SLCO1B1: variants seen among roughly 807,000 people sequenced by gnomAD.
The protein encoded by SLCO1B1 is OATP-2.
Under a neutral mutation model 70.1 loss-of-function variants are expected in SLCO1B1, and 81 were observed. That is an observed-to-expected ratio of 1.16 (90% CI 0.97 to 1.39). SLCO1B1 has a LOEUF of 1.39. Among genes scored for constraint, SLCO1B1 ranks in the 40% most tolerant of loss-of-function variants. The pLI is 0.00. For missense variants in SLCO1B1, 895 were observed against 799.6 expected (o/e 1.12, Z -1.44); for synonymous variants, 283 against 271.5 (o/e 1.04, Z -0.42).
At chr12:21,203,143 A>G (rs1243442317) in intron 10 of SLCO1B1, among the ~76,000 whole-genome samples, 4 of 152,138 alleles carry the variant, frequency 2.6e-5, no homozygotes, top group South Asian at 2.1e-4. Context: ...ACTTTTATCT[A>G]CAGTTCATAT....
At chr12:21,152,533 C>CTTTGTTTTTTTTTTTT (rs1940485182) in intron 2 of SLCO1B1, among the ~76,000 whole-genome samples, 1 of 34,354 alleles carries the variant, frequency 2.9e-5, no homozygotes, top group Non-Finnish European at 5.2e-5. Flanking sequence ...AGAGGAGAGG[C>CTTTGTTTTTTTTTTTT]TTTTTTTTTT....
chr12:21,221,119 A>T (rs1350200282), intron 12 of SLCO1B1, among the ~76,000 whole-genome samples: 7 of 152,190 alleles, frequency 4.6e-5, no homozygotes. Flanking sequence ...AACATCTTTC[A>T]TGACAAAAAT....
Position 21,209,903 on chromosome 12 carries a change from GT to G in SLCO1B1, c.1497+3876del, listed in dbSNP as rs1328758315. On this transcript the variant is annotated intron_variant, in intron 11 of 14. Transcript: ENST00000256958. ...TGTCCTTCGCCCACTTTTTGATGGG[GT>G]TTTTTGTTTTTTTCTTGTAAATCTG... Among the ~76,000 whole-genome samples, 9 of 152,180 alleles carry G rather than the reference GT, an allele frequency of 5.9e-5. No homozygotes were observed. In the East Asian group the frequency reaches 1.5e-3, roughly 26 times the overall value.
chr12:21,201,034 CAGTT>C (rs1329442060), intron 9 of SLCO1B1, among the ~76,000 whole-genome samples: 4 of 152,124 alleles, frequency 2.6e-5, no homozygotes, highest in South Asian at 2.1e-4. Flanking sequence ...AATCAAGACT[CAGTT>C]ACTTACAAAA....
intron 2 of SLCO1B1, among the ~76,000 whole-genome samples, chr12:21,153,937 T>C (rs1940506389): frequency 6.6e-6 from 1 of 152,026 alleles, no homozygotes; most frequent in African/African-American, 2.4e-5. Context: ...TTTAGGAATA[T>C]CTCTTATAAA....
In SLCO1B1 at chr12:21,137,560, G is replaced by A. The variant is rs186630635; in HGVS notation, c.-61-3954G>A. On this transcript the variant is annotated intron_variant, in intron 1 of 14. Transcript: ENST00000256958. The stretch of plus-strand genomic sequence containing the variant: ...TGGTGGCCGCCCCTCCCCCAGCCTC[G>A]CTGCCACCTTGCAGTTTGATCTTGG... Among the ~76,000 whole-genome samples, 483 of 152,208 alleles carry A rather than the reference G, an allele frequency of 3.2e-3. 3 individuals carry two copies. The highest frequency in any genetic ancestry group is 0.011 in the African/African-American group (465 of 41,524).
chr12:21,209,846 A>G (rs570007250), intron 11 of SLCO1B1, among the ~76,000 whole-genome samples: 8 of 152,134 alleles, frequency 5.3e-5, no homozygotes, highest in African/African-American at 1.9e-4. Flanking sequence ...TTTTGGCTGC[A>G]TAAGTGTCTT....
intron 2 of SLCO1B1, among the ~76,000 whole-genome samples, chr12:21,171,966 C>A (rs771465808): frequency 7.2e-5 from 11 of 152,188 alleles, no homozygotes; most frequent in Non-Finnish European, 1.5e-4. Flanking sequence ...CACCAAACAT[C>A]AACACACTGG....
In SLCO1B1 at chr12:21,205,906, C is replaced by G; in HGVS notation, c.1370C>G (p.Ser457Cys). The stretch of plus-strand genomic sequence containing the variant: ...ACATCTCATAGAGATGTACCACTTT[C>G]TTATTGCAACTCAGACTGCAATTGT... ...PVTSHRDVPLSYCNSDCNCDE... is the reference protein window; with the variant it reads ...PVTSHRDVPLCYCNSDCNCDE... Residue 457 changes from serine (S) to cysteine (C), a missense_variant, in exon 11 of 15, where the codon TCT becomes TGT. Physicochemically the swap from Ser to Cys is moderately radical, Grantham distance 112 (BLOSUM62 -1). Coordinates refer to ENST00000256958, the MANE Select transcript of SLCO1B1 (RefSeq NM_006446.5). The G allele has an allele frequency of 6.2e-7, 1 of 1,610,658 alleles. No homozygotes were observed. Among genetic ancestry groups the G allele is most frequent in the South Asian group, 1.1e-5 (1 of 90,970 alleles).
At chr12:21,142,439 A>G (rs1179237485) in intron 2 of SLCO1B1, among the ~76,000 whole-genome samples, 1 of 151,990 alleles carries the variant, frequency 6.6e-6, no homozygotes, top group Non-Finnish European at 1.5e-5. Context: ...AAATCCCCAT[A>G]TGGAAGTCTT....
At chr12:21,222,688 G>T (rs1941442987) in intron 13 of SLCO1B1, among the ~76,000 whole-genome samples, 1 of 151,686 alleles carries the variant, frequency 6.6e-6, no homozygotes, top group Non-Finnish European at 1.5e-5. Context: ...AAAGATAGAT[G>T]GTCCTCCAAA....
intron 3 of SLCO1B1, 83 bp from the exon 4 acceptor site, chr12:21,174,494 C>A: frequency 7.4e-7 from 1 of 1,359,762 alleles, no homozygotes; most frequent in Non-Finnish European, 1.0e-6. Context: ...GTCTTGGACT[C>A]TATTTGCATC....
chr12:21,204,270 CT>C (rs1019094060), intron 10 of SLCO1B1, among the ~76,000 whole-genome samples: 49 of 151,664 alleles, frequency 3.2e-4, no homozygotes, highest in African/African-American at 1.2e-3. Context: ...CATTATTTGC[CT>C]TTTTATTCTC....
rs893786812 is a variant in SLCO1B1 at position 21,202,788 on chromosome 12, CT to C, written c.1331+105del. On this transcript the variant is annotated intron_variant, in intron 10 of 14. Coordinates refer to ENST00000256958, the MANE Select transcript of SLCO1B1 (RefSeq NM_006446.5). The stretch of plus-strand genomic sequence containing the variant: ...CAGAAAACAATTTTAACTAAACTTT[CT>C]TTAAGTTAAGAGAAATTTCAATTTT... 1.1e-4 allele frequency: 107 copies of C among 946,466 alleles called. 1 individual carries two copies. The highest frequency in any genetic ancestry group is 3.3e-4 in the Middle Eastern group (1 of 3,036). 58.6% of individuals were successfully genotyped at this position (946,466 alleles called of 1,614,324 possible).
intron 7 of SLCO1B1, among the ~76,000 whole-genome samples, chr12:21,186,879 A>C (rs1940968889): frequency 6.6e-6 from 1 of 152,112 alleles, no homozygotes; most frequent in African/African-American, 2.4e-5. Context: ...TTTAAAGCAA[A>C]GGAAGGTGAG....
chr12:21,156,794 A>G (rs2121070038), intron 2 of SLCO1B1, among the ~76,000 whole-genome samples: 1 of 152,340 alleles, frequency 6.6e-6, no homozygotes, highest in African/African-American at 2.4e-5. Flanking sequence ...TCATATTTTA[A>G]GTTCATCTGA....
intron 14 of SLCO1B1, among the ~76,000 whole-genome samples, chr12:21,235,866 A>G (rs1451505022): frequency 6.6e-6 from 1 of 152,116 alleles, no homozygotes; most frequent in Non-Finnish European, 1.5e-5. Flanking sequence ...AAGTCTAACA[A>G]TAGGCCCCCA....
chr12:21,144,401 G>T (rs1308503902), intron 2 of SLCO1B1, among the ~76,000 whole-genome samples: 1 of 152,052 alleles, frequency 6.6e-6, no homozygotes, highest in Non-Finnish European at 1.5e-5. Context: ...AAACCTCTGA[G>T]AAATATGGGA....
intron 2 of SLCO1B1, among the ~76,000 whole-genome samples, chr12:21,144,104 G>A (rs1040369629): frequency 1.3e-5 from 2 of 151,976 alleles, no homozygotes; most frequent in Admixed American, 1.3e-4. Context: ...CATTACACTT[G>A]TCATTTCTTC....
Sources: gnomAD v4.1 joint callset for allele counts (sites outside exome capture counted in the v4.1 genomes callset) on GRCh38, gnomAD v4.1.1 for gene constraint, MANE v1.5 for transcripts, NCBI Gene and HGNC (gene_info 2026-07-23, HGNC 2026-07-21) for gene names.